RORA: variants seen among roughly 807,000 people sequenced by gnomAD.
RORA encodes nuclear receptor ROR-alpha.
In RORA, 7 loss-of-function variants were observed where a neutral mutation model predicts 69.5. The ratio of observed to expected loss-of-function variants is 0.10; its 90% CI spans 0.06 to 0.19. The LOEUF (loss-of-function observed/expected upper bound fraction) is 0.19, where lower values mean the gene tolerates loss of function less well. Among genes scored for constraint, RORA ranks in the 10% least tolerant of loss-of-function variants. RORA has a pLI of 1.00. For synonymous variants in RORA, 261 were observed against 240.8 expected (o/e 1.08, Z -0.78); for missense variants, 457 against 663.0 (o/e 0.69, Z 3.41).
intron 1 of RORA, among the ~76,000 whole-genome samples, chr15:61,041,836 G>A (rs959235438): frequency 1.3e-5 from 2 of 152,170 alleles, no homozygotes; most frequent in Non-Finnish European, 2.9e-5. Flanking sequence ...TATTTACTAA[G>A]GACTTAACGT....
intron 1 of RORA, among the ~76,000 whole-genome samples, chr15:60,813,406 C>T (rs1375805301): frequency 2.0e-5 from 3 of 152,104 alleles, no homozygotes; most frequent in African/African-American, 7.2e-5. Context: ...TCACGTCCCA[C>T]GAAGTGTATG....
At chr15:60,757,033 C>T (rs1376784349) in intron 1 of RORA, among the ~76,000 whole-genome samples, 1 of 152,122 alleles carries the variant, frequency 6.6e-6, no homozygotes, top group African/African-American at 2.4e-5. Context: ...ATGACGCATA[C>T]ATTTTAAAAC....
Position 61,008,638 on chromosome 15 carries a change from T to C in RORA, c.166+220415A>G, listed in dbSNP as rs555081210. Among the ~76,000 whole-genome samples the C allele has an allele frequency of 7.9e-5, 12 of 152,234 alleles. 1 individual carries two copies. The South Asian group carries it at 1.9e-3, about 24-fold the overall frequency. ...ATTTCCAAGAATGGAAGAAATCCTATGGAAAAAAATGCGCATGTAGATGGA... is the reference window on the plus strand; with the variant it reads ...ATTTCCAAGAATGGAAGAAATCCTACGGAAAAAAATGCGCATGTAGATGGA... On this transcript the variant is annotated intron_variant, in intron 1 of 10. Coordinates refer to ENST00000335670, the MANE Select transcript of RORA (RefSeq NM_134261.3).
intron 1 of RORA, among the ~76,000 whole-genome samples, chr15:61,211,174 G>A (rs1417639993): frequency 1.3e-5 from 2 of 151,994 alleles, no homozygotes; most frequent in East Asian, 3.9e-4. Flanking sequence ...AAAATGGGAC[G>A]CTCGCTTAAC....
intron 2 of RORA, among the ~76,000 whole-genome samples, chr15:60,607,056 C>A (rs904913880): frequency 2.0e-5 from 3 of 152,126 alleles, no homozygotes; most frequent in Non-Finnish European, 2.9e-5. Flanking sequence ...ATTTTGGAAG[C>A]ACAACAGAGA....
chr15:60,873,141 A>G (rs950626559), intron 1 of RORA, among the ~76,000 whole-genome samples: 1 of 151,870 alleles, frequency 6.6e-6, no homozygotes, highest in African/African-American at 2.4e-5. Context: ...CCCCTCACTC[A>G]TGATTAAAGT....
chr15:60,745,613 G>GC (rs2140854575), intron 1 of RORA, among the ~76,000 whole-genome samples: 1 of 152,312 alleles, frequency 6.6e-6, no homozygotes, highest in Non-Finnish European at 1.5e-5. Context: ...TAAGACACAG[G>GC]CAACTCATTT....
chr15:60,782,902 T>G (rs548630640), intron 1 of RORA, among the ~76,000 whole-genome samples: 7 of 152,342 alleles, frequency 4.6e-5, no homozygotes, highest in African/African-American at 1.7e-4. Flanking sequence ...ATAATTCTTC[T>G]TGAAAGAAAT....
At chr15:61,117,307 A>G (rs2079059683) in intron 1 of RORA, among the ~76,000 whole-genome samples, 1 of 151,964 alleles carries the variant, frequency 6.6e-6, no homozygotes, top group African/African-American at 2.4e-5. Flanking sequence ...TCATTCAAAG[A>G]TTCTGTTCTT....
At chr15:60,850,216 T>G (rs536287303) in intron 1 of RORA, among the ~76,000 whole-genome samples, 2 of 152,282 alleles carry the variant, frequency 1.3e-5, no homozygotes, top group East Asian at 3.9e-4. Flanking sequence ...CGAAATAACA[T>G]GCAGCTCCTC....
chr15:60,977,165 T>C (rs1291762820), intron 1 of RORA, among the ~76,000 whole-genome samples: 2 of 151,210 alleles, frequency 1.3e-5, no homozygotes, highest in African/African-American at 4.9e-5. Flanking sequence ...ATTATAAGAT[T>C]ATTTTTCCAA....
chr15:60,991,012 A>G (rs1189972963), intron 1 of RORA, among the ~76,000 whole-genome samples: 1 of 152,226 alleles, frequency 6.6e-6, no homozygotes, highest in East Asian at 1.9e-4. Flanking sequence ...CTGTTTTTCA[A>G]ACTAGCAAGA....
At chr15:60,979,718 G>A (rs1405551786) in intron 1 of RORA, among the ~76,000 whole-genome samples, 1 of 90,920 alleles carries the variant, frequency 1.1e-5, no homozygotes, top group Non-Finnish European at 2.5e-5. Context: ...CTCTAATAAT[G>A]TGTGTGTATG....
chr15:61,165,249 G>A (rs1160771577), intron 1 of RORA, among the ~76,000 whole-genome samples: 1 of 152,130 alleles, frequency 6.6e-6, no homozygotes, highest in Non-Finnish European at 1.5e-5. Flanking sequence ...ACGAGATTTG[G>A]GCTAGAAATA....
At chr15:61,220,279 T>TG (rs2080082994) in intron 1 of RORA, among the ~76,000 whole-genome samples, 1 of 152,244 alleles carries the variant, frequency 6.6e-6, no homozygotes, top group Non-Finnish European at 1.5e-5. Context: ...CCCTCCCAGT[T>TG]GCCCTGTCCC....
chr15:60,643,978 G>A (rs1007750566), intron 2 of RORA, among the ~76,000 whole-genome samples: 8 of 152,010 alleles, frequency 5.3e-5, no homozygotes, highest in African/African-American at 1.9e-4. Flanking sequence ...AGTGACTTTG[G>A]GAATGTCTGT....
intron 1 of RORA, among the ~76,000 whole-genome samples, chr15:60,878,847 G>A (rs546407870): frequency 6.6e-6 from 1 of 152,192 alleles, no homozygotes; most frequent in Non-Finnish European, 1.5e-5. Context: ...CTCCCTACAG[G>A]TATCCAGAAT....
chr15:60,640,847 G>A (rs548419486), intron 2 of RORA, among the ~76,000 whole-genome samples: 1 of 152,192 alleles, frequency 6.6e-6, no homozygotes, highest in Admixed American at 6.5e-5. Context: ...TTTCTTCATA[G>A]CACTTGTCAC....
chr15:61,076,719 G>T (rs1474676040), intron 1 of RORA, among the ~76,000 whole-genome samples: 1 of 152,148 alleles, frequency 6.6e-6, no homozygotes, highest in Non-Finnish European at 1.5e-5. Context: ...CAATTCTAAA[G>T]CCAGATTGGG....
Sources: gnomAD v4.1 joint callset for allele counts (sites outside exome capture counted in the v4.1 genomes callset) on GRCh38, gnomAD v4.1.1 for gene constraint, MANE v1.5 for transcripts, NCBI Gene and HGNC (gene_info 2026-07-23, HGNC 2026-07-21) for gene names.